NRG3: variants seen among roughly 807,000 people sequenced by gnomAD.
The protein encoded by NRG3 is pro-neuregulin-3, membrane-bound isoform.
NRG3 carries 31 observed loss-of-function variants against 66.9 expected under a neutral mutation model. The observed-to-expected ratio is 0.46, with a 90% confidence interval of 0.35 to 0.63. The LOEUF (loss-of-function observed/expected upper bound fraction) is 0.63, where lower values mean the gene tolerates loss of function less well. Ranked by LOEUF, NRG3 falls within the 20% of genes least tolerant of loss-of-function variation. The pLI, the probability that NRG3 is intolerant of heterozygous loss-of-function variation, is 0.00. For synonymous variants in NRG3, 393 were observed against 359.4 expected, an observed-to-expected ratio of 1.09 and a Z score of -1.06; for missense variants, 910 against 878.9, an observed-to-expected ratio of 1.04 and a Z score of -0.45.
chr10:82,553,810 AG>A (rs2044481447), intron 2 of NRG3, among the ~76,000 whole-genome samples: 1 of 152,140 alleles, frequency 6.6e-6, no homozygotes, highest in Non-Finnish European at 1.5e-5. Flanking sequence ...CACTGGATTA[AG>A]GCACATCCCC....
chr10:82,589,545 T>G (rs1278314562), intron 2 of NRG3, among the ~76,000 whole-genome samples: 1 of 152,102 alleles, frequency 6.6e-6, no homozygotes, highest in Non-Finnish European at 1.5e-5. Context: ...TGAGGGGCAA[T>G]TCTGCTTCAT....
chr10:82,631,337 T>C (rs12262131), intron 2 of NRG3, among the ~76,000 whole-genome samples: 4,288 of 152,224 alleles, frequency 0.028, 206 homozygotes, highest in African/African-American at 0.097. Context: ...ACAACCCCCA[T>C]TGACTCCAGA....
At chr10:82,022,646 G>C (rs187544288) in intron 1 of NRG3, among the ~76,000 whole-genome samples, 1 of 151,862 alleles carries the variant, frequency 6.6e-6, no homozygotes, top group Admixed American at 6.6e-5. Context: ...CTGGCCTTTT[G>C]GGGAAGAAAG....
At chr10:82,138,145 A>C (rs554856991) in intron 1 of NRG3, among the ~76,000 whole-genome samples, 1 of 151,944 alleles carries the variant, frequency 6.6e-6, no homozygotes, top group Non-Finnish European at 1.5e-5. Flanking sequence ...ATTCAAATAC[A>C]TCTGTGTTTA....
At chr10:82,045,395 C>A (rs1395133156) in intron 1 of NRG3, among the ~76,000 whole-genome samples, 5 of 100,904 alleles carry the variant, frequency 5.0e-5, no homozygotes, top group African/African-American at 1.5e-4. Context: ...ATATCCTTCG[C>A]CCACTTTTTG....
At chr10:82,151,921 G>T (rs1055671650) in intron 1 of NRG3, among the ~76,000 whole-genome samples, 2 of 152,160 alleles carry the variant, frequency 1.3e-5, no homozygotes, top group Non-Finnish European at 2.9e-5. Context: ...TGTATAAGGG[G>T]AATTGTAATA....
At chr10:81,927,950 C>G (rs926773123) in intron 1 of NRG3, among the ~76,000 whole-genome samples, 1 of 152,088 alleles carries the variant, frequency 6.6e-6, no homozygotes, top group Non-Finnish European at 1.5e-5. Flanking sequence ...AAATTCCAAC[C>G]TAATAATAAT....
At chr10:82,197,296 A>C (rs1417132085) in intron 1 of NRG3, among the ~76,000 whole-genome samples, 1 of 152,102 alleles carries the variant, frequency 6.6e-6, no homozygotes, top group Non-Finnish European at 1.5e-5. Flanking sequence ...TTTCAAAGAG[A>C]TGTGTGTTAT....
intron 2 of NRG3, among the ~76,000 whole-genome samples, chr10:82,653,640 G>A (rs201424497): frequency 6.6e-6 from 1 of 151,294 alleles, no homozygotes; most frequent in Non-Finnish European, 1.5e-5. Flanking sequence ...AACTAGTTCA[G>A]GTTTTTTTTT....
chr10:82,553,270 C>T (rs2044439824), intron 2 of NRG3, among the ~76,000 whole-genome samples: 4 of 151,608 alleles, frequency 2.6e-5, no homozygotes, highest in Admixed American at 2.0e-4. Flanking sequence ...TACACAGCTT[C>T]AGCATTTTTT....
intron 2 of NRG3, among the ~76,000 whole-genome samples, chr10:82,413,178 GC>G: frequency 6.6e-6 from 1 of 152,244 alleles, no homozygotes; most frequent in Non-Finnish European, 1.5e-5. Flanking sequence ...ACTATCTATG[GC>G]ACCTAGGGCC....
At chr10:82,444,628 T>G (rs1040764053) in intron 2 of NRG3, among the ~76,000 whole-genome samples, 1 of 152,050 alleles carries the variant, frequency 6.6e-6, no homozygotes, top group African/African-American at 2.4e-5. Flanking sequence ...TGAAAAGGCA[T>G]TAGACATGTA....
chr10:81,993,198 A>G (rs1300754014), intron 1 of NRG3, among the ~76,000 whole-genome samples: 1 of 152,152 alleles, frequency 6.6e-6, no homozygotes. Context: ...CCATCCTTCA[A>G]TGTGTTTAGC....
At chr10:81,946,675 A>T (rs192030763) in intron 1 of NRG3, among the ~76,000 whole-genome samples, 1 of 152,218 alleles carries the variant, frequency 6.6e-6, no homozygotes, top group Admixed American at 6.6e-5. Flanking sequence ...AAGCCATGGG[A>T]TTATGCTCAC....
chr10:82,378,448 T>C (rs751264648), intron 2 of NRG3, among the ~76,000 whole-genome samples: 1 of 152,192 alleles, frequency 6.6e-6, no homozygotes, highest in Admixed American at 6.5e-5. Context: ...AGTTGTAGAT[T>C]TAAGCCTGGA....
intron 4 of NRG3, among the ~76,000 whole-genome samples, chr10:82,895,576 T>C (rs369318350): frequency 3.3e-5 from 5 of 150,000 alleles, no homozygotes; most frequent in African/African-American, 9.8e-5. Flanking sequence ...CTGCAAGCTC[T>C]GCCTCCCAGG....
At position 82,394,173 on chromosome 10, in the gene NRG3, C is replaced by T. The variant is rs1589969399; in HGVS notation, c.953+35305C>T. On this transcript the variant is annotated intron_variant, in intron 2 of 8. Coordinates refer to ENST00000372141, the MANE Select transcript of NRG3 (RefSeq NM_001010848.4). ...CAGGAAGCCTAAACAGAGCATTTCC[C>T]TTTGGGTTGAGCGTGAGGGGGCTTC... Among the ~76,000 whole-genome samples, 3 of 152,264 alleles carry T rather than the reference C, an allele frequency of 2.0e-5. No homozygotes were observed. The South Asian group carries it at 6.2e-4, about 32-fold the overall frequency.
At position 82,509,257 on chromosome 10, in the gene NRG3, A is replaced by G. The variant is rs74423644; in HGVS notation, c.953+150389A>G. ...CTTATTTTATTTTAAGTTCAGGGGT[A>G]CATGTTCAGGTTTGTTATGTAGGTA... is the stretch of plus-strand genomic sequence containing the variant. On this transcript the variant is annotated intron_variant, in intron 2 of 8. Transcript: ENST00000372141. 5.6e-4 allele frequency among the ~76,000 whole-genome samples: 86 copies of G among 152,312 alleles called. 2 individuals are homozygous for G. In the East Asian group the frequency reaches 0.016, roughly 29 times the overall value.
At chr10:82,677,197 G>A (rs534457551) in intron 2 of NRG3, among the ~76,000 whole-genome samples, 262 of 151,764 alleles carry the variant, frequency 1.7e-3, no homozygotes, top group African/African-American at 5.0e-3. Flanking sequence ...GACAACAGGT[G>A]TGCACCACCA....
Sources: allele counts gnomAD v4.1 joint callset (sites outside exome capture counted in the v4.1 genomes callset), GRCh38; gene constraint gnomAD v4.1.1; transcripts MANE v1.5; gene names NCBI Gene and HGNC (gene_info 2026-07-23, HGNC 2026-07-21).